PLSCR5: variants seen among roughly 807,000 people sequenced by gnomAD.
PLSCR5 encodes phospholipid scramblase family member 5.
In PLSCR5, 44 loss-of-function variants were observed where a neutral mutation model predicts 33.6. The observed-to-expected ratio is 1.31, with a 90% confidence interval of 1.03 to 1.69. The LOEUF is 1.69. PLSCR5 is among the 40% of genes most tolerant of loss of function. PLSCR5 has a pLI of 0.00. For synonymous variants in PLSCR5, 148 were observed against 112.3 expected (o/e 1.32, Z -2.01); for missense variants, 375 against 318.7 (o/e 1.18, Z -1.34).
downstream of PLSCR5, among the ~76,000 whole-genome samples, chr3:146,582,816 A>C (rs73003946): frequency 6.9e-3 from 1,058 of 152,278 alleles, 12 homozygotes; most frequent in Middle Eastern, 0.021. Context: ...AAGATTTACA[A>C]CTTTCCCAAT....
At chr3:146,587,152 T>G (rs185366077) in intron 6 of PLSCR5, among the ~76,000 whole-genome samples, 2 of 152,310 alleles carry the variant, frequency 1.3e-5, no homozygotes, top group East Asian at 3.9e-4. Context: ...CAGGTCCTGA[T>G]GCATCTGGGG....
chr3:146,583,496 T>G (rs978758645), downstream of PLSCR5, among the ~76,000 whole-genome samples: 29 of 152,258 alleles, frequency 1.9e-4, no homozygotes, highest in African/African-American at 6.7e-4. Flanking sequence ...GGTCTAGAGC[T>G]GCATGCTTTT....
intron 7 of PLSCR5, among the ~76,000 whole-genome samples, chr3:146,577,581 G>C (rs917464571): frequency 1.1e-4 from 16 of 151,906 alleles, no homozygotes; most frequent in Non-Finnish European, 2.1e-4. Context: ...AGTTTCCTTA[G>C]AAAAATAGGA....
intron 2 of PLSCR5, 67 bp downstream of exon 2, chr3:146,600,221 C>A: frequency 8.5e-7 from 1 of 1,180,654 alleles, no homozygotes; most frequent in Non-Finnish European, 1.1e-6. Context: ...GATTGAAAAG[C>A]CAGAAAGAAA....
chr3:146,591,837 C>T lies in PLSCR5; in HGVS notation c.498G>A (p.Thr166=), dbSNP rs777247203. Residue 166 remains threonine, a synonymous_variant, in exon 5 of 8, where the codon ACG becomes ACA. Transcript: ENST00000443512. ...TAGGCAGAAAGGGGTCCCACTTCTG[C>T]GTAACGTAACCAACTATAGTACCAG... ...APPGTIVGYV[T]QKWDPFLPKF... The T allele has an allele frequency of 1.3e-5, 21 of 1,611,702 alleles. 1 individual carries two copies. Among genetic ancestry groups the T allele is most frequent in the South Asian group, 7.7e-5 (7 of 90,746 alleles).
intron 7 of PLSCR5, among the ~76,000 whole-genome samples, chr3:146,580,630 A>AT (rs1163501406): frequency 2.0e-5 from 3 of 151,644 alleles, no homozygotes; most frequent in Non-Finnish European, 4.4e-5. Flanking sequence ...TGCCCAGTTA[A>AT]TTTTTTGTAT....
intron 7 of PLSCR5, among the ~76,000 whole-genome samples, chr3:146,577,639 G>A (rs2044607420): frequency 6.6e-6 from 1 of 151,948 alleles, no homozygotes; most frequent in Non-Finnish European, 1.5e-5. Context: ...AATTCAGTCT[G>A]CTCATTAAAA....
chr3:146,578,499 G>A (rs1270375103), intron 7 of PLSCR5, among the ~76,000 whole-genome samples: 1 of 151,962 alleles, frequency 6.6e-6, no homozygotes, highest in Non-Finnish European at 1.5e-5. Flanking sequence ...TTTTAAAAGT[G>A]ATTTCCTTGT....
chr3:146,584,402 A>T (rs116032716), downstream of PLSCR5, among the ~76,000 whole-genome samples: 723 of 152,264 alleles, frequency 4.7e-3, 7 homozygotes, highest in African/African-American at 0.017. Context: ...GGTTATGTCT[A>T]TTGCATAAAA....
Position 146,591,812 on chromosome 3 carries a change from T to G in PLSCR5, c.523A>C (p.Lys175Gln). The stretch of plus-strand genomic sequence containing the variant: ...TTGTTTGCATTTTGGATTGTGAATT[T>G]AGGCAGAAAGGGGTCCCACTTCTGC... ...VTQKWDPFLP[K>Q]FTIQNANKED... The change falls in exon 5 of 8, where the codon AAA becomes CAA. Residue 175 changes from lysine to glutamine, a missense_variant. Physicochemically the swap from Lys to Gln is moderately conservative, Grantham distance 53 (BLOSUM62 1). Coordinates refer to ENST00000443512, the MANE Select transcript of PLSCR5 (RefSeq NM_001085420.2). The G allele has an allele frequency of 6.2e-7, 1 of 1,612,504 alleles. No individual in the cohort carries two copies. The highest frequency in any genetic ancestry group is 2.2e-5 in the East Asian group (1 of 44,806).
chr3:146,599,129 A>G (rs948879974), intron 2 of PLSCR5, among the ~76,000 whole-genome samples: 2 of 152,232 alleles, frequency 1.3e-5, no homozygotes, highest in Non-Finnish European at 2.9e-5. Flanking sequence ...AAAAGCAACA[A>G]TAATATACAT....
At chr3:146,580,835 T>C (rs2044628893) in intron 7 of PLSCR5, among the ~76,000 whole-genome samples, 1 of 152,204 alleles carries the variant, frequency 6.6e-6, no homozygotes, top group African/African-American at 2.4e-5. Flanking sequence ...TTCTTTCTGG[T>C]CTACGCTAAA....
intron 4 of PLSCR5, among the ~76,000 whole-genome samples, chr3:146,593,477 A>G (rs2044731539): frequency 6.6e-6 from 1 of 152,200 alleles, no homozygotes; most frequent in Non-Finnish European, 1.5e-5. Context: ...TTTGTCATAA[A>G]TGGGTAAATG....
At chr3:146,603,185 G>A (rs2044834018) in intron 1 of PLSCR5, among the ~76,000 whole-genome samples, 1 of 152,106 alleles carries the variant, frequency 6.6e-6, no homozygotes, top group Non-Finnish European at 1.5e-5. Context: ...TATGAAATAT[G>A]TGAAATGTAC....
intron 2 of PLSCR5, 56 bp from the exon 3 acceptor site, chr3:146,595,139 T>C (rs1294497451): frequency 4.8e-6 from 5 of 1,047,154 alleles, no homozygotes; most frequent in South Asian, 2.6e-5. Context: ...CGGAAAACCT[T>C]TGGAGATACT....
At chr3:146,589,835 G>T in intron 5 of PLSCR5, 21 bp from the exon 6 acceptor site, 1 of 1,460,600 alleles carries the variant, frequency 6.8e-7, no homozygotes, top group African/African-American at 1.4e-5. Flanking sequence ...AAAATAAGGA[G>T]TATTAAATTT....
intron 1 of PLSCR5, among the ~76,000 whole-genome samples, 152 bp from the exon 2 acceptor site, chr3:146,600,615 A>G (rs1183961782): frequency 6.6e-6 from 1 of 151,942 alleles, no homozygotes; most frequent in African/African-American, 2.4e-5. Flanking sequence ...ACTCACTGCC[A>G]TTATTACTTG....
At chr3:146,585,010 G>T (rs2044657119), downstream of PLSCR5, among the ~76,000 whole-genome samples, 1 of 152,094 alleles carries the variant, frequency 6.6e-6, no homozygotes, top group African/African-American at 2.4e-5. Flanking sequence ...TTGCTTAAAA[G>T]AAATCTGTTC....
intron 4 of PLSCR5, 67 bp from the exon 5 acceptor site, chr3:146,591,948 T>C (rs1396610674): frequency 7.7e-7 from 1 of 1,304,628 alleles, no homozygotes; most frequent in Non-Finnish European, 1.0e-6. Flanking sequence ...TACTATAATG[T>C]CAATTTACCT....
Sources: gnomAD v4.1 joint callset for allele counts (sites outside exome capture counted in the v4.1 genomes callset) on GRCh38, gnomAD v4.1.1 for gene constraint, MANE v1.5 for transcripts, NCBI Gene and HGNC (gene_info 2026-07-23, HGNC 2026-07-21) for gene names.